STAT4: variants seen among roughly 807,000 people sequenced by gnomAD.
STAT4 encodes signal transducer and activator of transcription 4.
Under a neutral mutation model 110.5 loss-of-function variants are expected in STAT4, and 42 were observed. That is an observed-to-expected ratio of 0.38 (90% CI 0.30 to 0.49). STAT4 has a LOEUF of 0.49. Ranked by LOEUF, STAT4 falls within the 20% of genes least tolerant of loss-of-function variation. The probability of loss-of-function intolerance (pLI) is 0.95; values close to 1 mark genes in which losing one functional copy is unlikely to be tolerated. For missense variants in STAT4, 632 were observed against 887.9 expected (o/e 0.71, Z 3.66); for synonymous variants, 284 against 302.2 (o/e 0.94, Z 0.63).
At chr2:191,111,605 C>T (rs190546324) in intron 3 of STAT4, among the ~76,000 whole-genome samples, 1 of 152,342 alleles carries the variant, frequency 6.6e-6, no homozygotes, top group Admixed American at 6.5e-5. Flanking sequence ...GTAATCCCAA[C>T]ACTTCGGGAG....
chr2:191,047,044 A>C (rs1163673852), intron 14 of STAT4, among the ~76,000 whole-genome samples: 3 of 152,182 alleles, frequency 2.0e-5, no homozygotes, highest in Non-Finnish European at 4.4e-5. Flanking sequence ...GAATTCACCT[A>C]CAATGGCAAA....
intron 14 of STAT4, among the ~76,000 whole-genome samples, chr2:191,049,092 GTCT>G (rs1365781089): frequency 1.1e-4 from 17 of 149,138 alleles, no homozygotes; most frequent in African/African-American, 4.2e-4. Context: ...TGTCACCATA[GTCT>G]TCTCTGTCTC....
At chr2:191,097,888 T>C in intron 3 of STAT4, among the ~76,000 whole-genome samples, 1 of 147,336 alleles carries the variant, frequency 6.8e-6, no homozygotes, top group Admixed American at 6.9e-5. Context: ...ATCCAGAATC[T>C]ACAAAGAACT....
Position 191,089,795 on chromosome 2 carries a change from C to T in STAT4, c.274-13470G>A, listed in dbSNP as rs1202014045. On this transcript the variant is annotated intron_variant, in intron 3 of 23. Coordinates refer to ENST00000392320, the MANE Select transcript of STAT4 (RefSeq NM_003151.4). ...CATGCATATTACCAAGTAAAAGCAG[C>T]CAACGTGAAAAGGCTACATATTGTG... Among the ~76,000 whole-genome samples the T allele has an allele frequency of 2.6e-5, 4 of 152,210 alleles. No homozygotes were observed. The East Asian group carries it at 7.7e-4, about 29-fold the overall frequency.
rs1167352479 is a variant in STAT4 at position 191,039,300 on chromosome 2, G to A, written c.1336-3C>T. 5.0e-6 allele frequency: 8 copies of A among 1,613,706 alleles called. No individual in the cohort carries two copies. Among genetic ancestry groups the A allele is most frequent in the Non-Finnish European group, 6.8e-6 (8 of 1,179,714 alleles). On this transcript the variant is annotated splice_region_variant and splice_polypyrimidine_tract_variant and intron_variant, in intron 15 of 23. Coordinates refer to ENST00000392320, the MANE Select transcript of STAT4 (RefSeq NM_003151.4). This position sits in a 1 kb window ranked among gnomAD's most constrained non-coding sequence, Gnocchi z 4.7. ...ATCACCACAGGCAATGAGCTGGTCT[G>A]GTTTGGGGGGAAAAAAGCATAGTTA...
At position 191,047,061 on chromosome 2, in the gene STAT4, C is replaced by T. The variant is rs1470454607; in HGVS notation, c.1252-5913G>A. Among the ~76,000 whole-genome samples, 11 of 152,230 alleles carry T rather than the reference C, an allele frequency of 7.2e-5. No homozygotes were observed. In the South Asian group the frequency reaches 2.3e-3, roughly 32 times the overall value. ...ATTCACCTACAATGGCAAAGGTGAT[C>T]AACTTTGTAATGAACTGTATGTAAT... On this transcript the variant is annotated intron_variant, in intron 14 of 23. Transcript: ENST00000392320.
At position 191,085,263 on chromosome 2, in the gene STAT4, C is replaced by T. The variant is rs139483675; in HGVS notation, c.274-8938G>A. ...GTGATATGAAGTATTTAAAACCTTT[C>T]ATATTTGACAATTCAAAATCAAATT... On this transcript the variant is annotated intron_variant, in intron 3 of 23. Transcript: ENST00000392320. 8.5e-5 allele frequency among the ~76,000 whole-genome samples: 13 copies of T among 152,052 alleles called. 1 individual carries two copies. In the East Asian group the frequency reaches 2.3e-3, roughly 27 times the overall value.
In STAT4 at chr2:191,066,896, C is replaced by T. The variant is rs1329253057; in HGVS notation, c.545-381G>A. 6.6e-6 allele frequency among the ~76,000 whole-genome samples: 1 copy of T among 151,956 alleles called. No individual in the cohort carries two copies. The highest frequency in any genetic ancestry group is 2.4e-5 in the African/African-American group (1 of 41,368). On this transcript the variant is annotated intron_variant, in intron 6 of 23. Coordinates refer to ENST00000392320, the MANE Select transcript of STAT4 (RefSeq NM_003151.4). This position sits in a 1 kb window ranked among gnomAD's most constrained non-coding sequence, Gnocchi z 4.3. ...GAAAGCAGGGATCACCCTTTGTGCC[C>T]CTGATTAAATCATATTTGACTCTCT... is the stretch of plus-strand genomic sequence containing the variant.
chr2:191,031,226 CAACTT>C lies in STAT4; in HGVS notation c.2112-151_2112-147del, dbSNP rs889178106. On this transcript the variant is annotated intron_variant, in intron 22 of 23. Coordinates refer to ENST00000392320, the MANE Select transcript of STAT4 (RefSeq NM_003151.4). The surrounding 1 kb of genome is among the most constrained non-coding windows in gnomAD (Gnocchi z 4.8). Reference sequence around the variant, plus strand: ...ATTCATCATTTCATATCAGAACACTCAACTTACTGTGGCATATATGGCATATAAAA... The same window carrying C: ...ATTCATCATTTCATATCAGAACACTCACTGTGGCATATATGGCATATAAAA... 7.4e-6 allele frequency: 7 copies of C among 945,292 alleles called. No individual in the cohort carries two copies. In the African/African-American group the frequency reaches 1.2e-4, roughly 16 times the overall value. The allele number at this position is 945,292 out of a possible 1,614,324, so 58.6% of individuals were successfully genotyped here.
chr2:191,039,067 T>C lies in STAT4; in HGVS notation c.1434+132A>G. ...TATGACATGAGAGGAAACATACAAC[T>C]AGAAATACTACAAATAAAGCAACTC... is the stretch of plus-strand genomic sequence containing the variant. On this transcript the variant is annotated intron_variant, in intron 16 of 23. Transcript: ENST00000392320. The surrounding 1 kb of genome is among the most constrained non-coding windows in gnomAD (Gnocchi z 4.7). The C allele has an allele frequency of 1.4e-6, 1 of 735,852 alleles. No individual in the cohort carries two copies. The highest frequency in any genetic ancestry group is 1.7e-5 in the African/African-American group (1 of 57,714). 45.6% of individuals were successfully genotyped at this position (735,852 alleles called of 1,614,324 possible). A position where few individuals can be genotyped will look rare whatever the true frequency, so the allele number is the denominator to read the frequency against.
chr2:191,100,505 C>A (rs1227810210), intron 3 of STAT4, among the ~76,000 whole-genome samples: 1 of 152,078 alleles, frequency 6.6e-6, no homozygotes, highest in Non-Finnish European at 1.5e-5. Flanking sequence ...TTTAAAATGA[C>A]CTTTTCTTTC....
Position 191,112,336 on chromosome 2 carries a change from G to A in STAT4, c.273+34277C>T, listed in dbSNP as rs181421627. 5.8e-4 allele frequency among the ~76,000 whole-genome samples: 89 copies of A among 152,216 alleles called. No individual in the cohort carries two copies. The highest frequency in any genetic ancestry group is 2.0e-3 in the African/African-American group (82 of 41,532). On this transcript the variant is annotated intron_variant, in intron 3 of 23. Coordinates refer to ENST00000392320, the MANE Select transcript of STAT4 (RefSeq NM_003151.4). This position sits in a 1 kb window ranked among gnomAD's most constrained non-coding sequence, Gnocchi z 4.3. The stretch of plus-strand genomic sequence containing the variant: ...TTGGGCAACAGCGTGACCTTTCCAA[G>A]CCTCAGTTCCCTCATCTGTAAAATG...
At position 191,110,139 on chromosome 2, in the gene STAT4, T is replaced by C. The variant is rs1464729257; in HGVS notation, c.274-33814A>G. Among the ~76,000 whole-genome samples, 1 of 152,162 alleles carries C rather than the reference T, an allele frequency of 6.6e-6. No homozygotes were observed. The highest frequency in any genetic ancestry group is 2.4e-5 in the African/African-American group (1 of 41,428). The stretch of plus-strand genomic sequence containing the variant: ...CCTCAACCACTTGAGGAAACACTAC[T>C]TCATGTCCCTATGGAAACATGACCA... On this transcript the variant is annotated intron_variant, in intron 3 of 23. Coordinates refer to ENST00000392320, the MANE Select transcript of STAT4 (RefSeq NM_003151.4). The surrounding 1 kb of genome is among the most constrained non-coding windows in gnomAD (Gnocchi z 4.5).
intron 3 of STAT4, among the ~76,000 whole-genome samples, chr2:191,130,551 T>G (rs1699008729): frequency 6.6e-6 from 1 of 151,680 alleles, no homozygotes; most frequent in South Asian, 2.1e-4. Context: ...GATAATATAT[T>G]TGTTATCCTC....
chr2:191,101,039 T>C (rs1425807783), intron 3 of STAT4, among the ~76,000 whole-genome samples: 1 of 152,136 alleles, frequency 6.6e-6, no homozygotes, highest in African/African-American at 2.4e-5. Flanking sequence ...TCCGCTCCTG[T>C]CAAATCTCTA....
At chr2:191,124,547 G>T (rs1288613743) in intron 3 of STAT4, among the ~76,000 whole-genome samples, 1 of 151,674 alleles carries the variant, frequency 6.6e-6, no homozygotes, top group Non-Finnish European at 1.5e-5. Context: ...CACTCAAAGA[G>T]CTCACAGTCT....
chr2:191,124,197 G>A (rs1052312206), intron 3 of STAT4, among the ~76,000 whole-genome samples: 2 of 152,068 alleles, frequency 1.3e-5, no homozygotes, highest in African/African-American at 4.8e-5. Flanking sequence ...TGGCTCACAC[G>A]TGTAATCCCA....
chr2:191,137,391 T>C (rs1342091155), intron 3 of STAT4, among the ~76,000 whole-genome samples: 3 of 152,176 alleles, frequency 2.0e-5, no homozygotes, highest in Admixed American at 1.3e-4. Flanking sequence ...TCTATGTTCA[T>C]GGATTGGAAG....
At chr2:191,130,267 G>A (rs1698997763) in intron 3 of STAT4, among the ~76,000 whole-genome samples, 1 of 143,572 alleles carries the variant, frequency 7.0e-6, no homozygotes, top group African/African-American at 2.7e-5. Flanking sequence ...CTGCCGCCCA[G>A]GCTGGAGTGC....
Sources: allele counts gnomAD v4.1 joint callset (sites outside exome capture counted in the v4.1 genomes callset), GRCh38; gene constraint gnomAD v4.1.1; non-coding constraint Gnocchi (gnomAD v3.1); transcripts MANE v1.5; gene names NCBI Gene and HGNC (gene_info 2026-07-23, HGNC 2026-07-21).